DDAH1: variants seen among roughly 807,000 people sequenced by gnomAD.
DDAH1 encodes N(G),N(G)-dimethylarginine dimethylaminohydrolase 1.
A neutral mutation model predicts 28.8 loss-of-function variants in DDAH1; 19 were observed. The observed-to-expected ratio is 0.66, with a 90% CI of 0.46 to 0.97. The LOEUF (loss-of-function observed/expected upper bound fraction) is 0.97. Among genes scored for constraint, DDAH1 ranks in the 50% least tolerant of loss-of-function variants. The pLI, the probability that DDAH1 is intolerant of heterozygous loss-of-function variation, is 0.00. For missense variants in DDAH1, 326 were observed against 375.9 expected (o/e 0.87, Z 1.10); for synonymous variants, 153 against 154.4 (o/e 0.99, Z 0.07).
intron 1 of DDAH1, among the ~76,000 whole-genome samples, chr1:85,516,269 A>G (rs1657470897): frequency 6.6e-6 from 1 of 151,420 alleles, no homozygotes; most frequent in Non-Finnish European, 1.5e-5. Context: ...ATACTTGAGA[A>G]ACTCAGGAAG....
At chr1:85,398,930 A>G (rs1651939731) in intron 1 of DDAH1, 1 of 152,154 alleles carries the variant, frequency 6.6e-6, no homozygotes, top group Non-Finnish European at 1.5e-5. Flanking sequence ...TAATATCCCT[A>G]ATGCAACTGT....
intron 1 of DDAH1, among the ~76,000 whole-genome samples, chr1:85,406,117 C>A (rs1056689017): frequency 7.2e-5 from 11 of 152,108 alleles, no homozygotes; most frequent in Non-Finnish European, 1.0e-4. Context: ...AAAGTTGGAG[C>A]CCAAAGATGA....
rs183687900 is a variant in DDAH1 at position 85,493,369 on chromosome 1, G to C, written c.-7+2797C>G. ...AGCTTCTATTTTGGAGTGACTTTCA[G>C]CTTAAAAAATTTTTCAAAAGCAAAT... is the stretch of plus-strand genomic sequence containing the variant. On this transcript the variant is annotated intron_variant, in intron 2 of 6. Transcript: ENST00000426972. 4.2e-3 allele frequency: 645 copies of C among 152,090 alleles called. 4 individuals are homozygous for C. The highest frequency in any genetic ancestry group is 0.015 in the African/African-American group (613 of 41,500). 9.4% of individuals were successfully genotyped at this position (152,090 alleles called of 1,614,324 possible).
chr1:85,568,409 A>G (rs1057270444), intron 1 of DDAH1, among the ~76,000 whole-genome samples: 4 of 152,190 alleles, frequency 2.6e-5, no homozygotes, highest in Admixed American at 2.6e-4. Flanking sequence ...ATTTTACCCA[A>G]TATGCTCTCC....
At chr1:85,363,574 T>C (rs1014142898) in intron 1 of DDAH1, among the ~76,000 whole-genome samples, 1 of 152,224 alleles carries the variant, frequency 6.6e-6, no homozygotes, top group Non-Finnish European at 1.5e-5. Flanking sequence ...TTTTTGCTGA[T>C]TTTGTTTTGC....
chr1:85,575,508 A>G (rs1454138926), intron 1 of DDAH1, among the ~76,000 whole-genome samples: 1 of 152,242 alleles, frequency 6.6e-6, no homozygotes, highest in African/African-American at 2.4e-5. Flanking sequence ...ATCTGCATTA[A>G]GACCTTTTCT....
upstream of DDAH1, among the ~76,000 whole-genome samples, chr1:85,467,059 A>C (rs1655414438): frequency 6.7e-6 from 1 of 149,444 alleles, no homozygotes; most frequent in African/African-American, 2.5e-5. Context: ...CTAGTCTCAA[A>C]CTCCTCAACT....
chr1:85,455,431 G>T lies in DDAH1; in HGVS notation c.303+9312C>A, dbSNP rs1407411428. Among the ~76,000 whole-genome samples, 3 of 152,010 alleles carry T rather than the reference G, an allele frequency of 2.0e-5. No homozygotes were observed. In the East Asian group the frequency reaches 5.8e-4, roughly 29 times the overall value. On this transcript the variant is annotated intron_variant, in intron 1 of 5. Coordinates refer to ENST00000284031, the MANE Select transcript of DDAH1 (RefSeq NM_012137.4). The stretch of plus-strand genomic sequence containing the variant: ...TTATAGGAAGGCTACTTTTAAGTAG[G>T]TATCTTTTTCTTTTTTTTTGTCTTT...
intron 1 of DDAH1, among the ~76,000 whole-genome samples, chr1:85,555,611 G>C (rs189640003): frequency 1.3e-5 from 2 of 152,300 alleles, no homozygotes; most frequent in Non-Finnish European, 2.9e-5. Flanking sequence ...CTCGCAGCCA[G>C]ATATGCCCAC....
chr1:85,500,073 T>C (rs1213246274), intron 1 of DDAH1, among the ~76,000 whole-genome samples: 3 of 151,102 alleles, frequency 2.0e-5, no homozygotes, highest in African/African-American at 7.3e-5. Flanking sequence ...TTTTCTTTTC[T>C]TTCCTTTCCT....
intron 1 of DDAH1, among the ~76,000 whole-genome samples, chr1:85,455,975 T>A (rs1489489749): frequency 6.6e-6 from 1 of 152,166 alleles, no homozygotes; most frequent in Non-Finnish European, 1.5e-5. Context: ...TTTTTATTTA[T>A]CAAACTCCAA....
chr1:85,466,832 CTTTTTTTTTT>C (rs10675813), upstream of DDAH1, among the ~76,000 whole-genome samples: 1 of 70,738 alleles, frequency 1.4e-5, no homozygotes, highest in Non-Finnish European at 2.4e-5. Flanking sequence ...ATTATTTATT[CTTTTTTTTTT>C]TTTTTTTTTT....
At chr1:85,564,861 C>CAAA (rs201212308) in intron 1 of DDAH1, among the ~76,000 whole-genome samples, 2 of 127,832 alleles carry the variant, frequency 1.6e-5, no homozygotes, top group Non-Finnish European at 3.4e-5. Flanking sequence ...AAGACTATGT[C>CAAA]AAAAAAAAAA....
At chr1:85,323,855 A>G (rs2100785072) in intron 5 of DDAH1, among the ~76,000 whole-genome samples, 1 of 151,952 alleles carries the variant, frequency 6.6e-6, no homozygotes, top group African/African-American at 2.4e-5. Flanking sequence ...TTGTAGTCCC[A>G]GCTACTCGGG....
At chr1:85,359,881 A>C (rs2100860752) in intron 1 of DDAH1, among the ~76,000 whole-genome samples, 1 of 152,358 alleles carries the variant, frequency 6.6e-6, no homozygotes, top group Middle Eastern at 3.4e-3. Flanking sequence ...TAAGAAATGA[A>C]TGTGAAGCAT....
chr1:85,494,008 G>A (rs1481293893), intron 2 of DDAH1: 2 of 152,136 alleles, frequency 1.3e-5, no homozygotes, highest in African/African-American at 4.8e-5. Context: ...AGTATGTTTT[G>A]GGATGCAACC....
At chr1:85,321,811 G>C (rs1214642879) in intron 5 of DDAH1, among the ~76,000 whole-genome samples, 2 of 152,226 alleles carry the variant, frequency 1.3e-5, no homozygotes, top group African/African-American at 4.8e-5. Context: ...TTTTGCTAGA[G>C]ATGCCTTTAC....
At chr1:85,353,246 G>T (rs1649318682) in intron 2 of DDAH1, among the ~76,000 whole-genome samples, 1 of 151,934 alleles carries the variant, frequency 6.6e-6, no homozygotes, top group African/African-American at 2.4e-5. Flanking sequence ...CATAAATGTG[G>T]GAACTCTCAT....
intron 1 of DDAH1, among the ~76,000 whole-genome samples, chr1:85,463,437 T>C (rs1655212130): frequency 6.6e-6 from 1 of 152,210 alleles, no homozygotes; most frequent in African/African-American, 2.4e-5. Context: ...TTAGAAAGTA[T>C]TCAAATGGGA....
Sources: gnomAD v4.1 joint callset for allele counts (sites outside exome capture counted in the v4.1 genomes callset) on GRCh38, gnomAD v4.1.1 for gene constraint, MANE v1.5 for transcripts, NCBI Gene and HGNC (gene_info 2026-07-23, HGNC 2026-07-21) for gene names.